FRMD4A: variants seen among roughly 807,000 people sequenced by gnomAD.
FRMD4A encodes FERM domain containing 4A.
Under a neutral mutation model 129.1 loss-of-function variants are expected in FRMD4A, and 29 were observed. The ratio of observed to expected loss-of-function variants is 0.22; its 90% CI spans 0.17 to 0.31. The LOEUF (loss-of-function observed/expected upper bound fraction) is 0.31. Ranked by LOEUF, FRMD4A falls within the 10% of genes least tolerant of loss-of-function variation. The probability of loss-of-function intolerance (pLI) is 1.00; values close to 1 mark genes in which losing one functional copy is unlikely to be tolerated. For synonymous variants in FRMD4A, 634 were observed against 571.6 expected (o/e 1.11, Z -1.56); for missense variants, 1,272 against 1,375.8 (o/e 0.92, Z 1.19).
intron 3 of FRMD4A, among the ~76,000 whole-genome samples, chr10:13,856,052 A>G (rs1299697000): frequency 1.3e-5 from 2 of 151,626 alleles, no homozygotes; most frequent in Admixed American, 1.3e-4. Flanking sequence ...CTATCTATCT[A>G]TCTATCTATG....
chr10:14,118,539 A>G (rs1405387766), intron 2 of FRMD4A, among the ~76,000 whole-genome samples: 1 of 152,174 alleles, frequency 6.6e-6, no homozygotes, highest in Non-Finnish European at 1.5e-5. Context: ...CTGTTCTCAC[A>G]CTGCTAATAA....
At chr10:14,227,943 G>A (rs569132267) in intron 2 of FRMD4A, among the ~76,000 whole-genome samples, 1 of 152,052 alleles carries the variant, frequency 6.6e-6, no homozygotes, top group African/African-American at 2.4e-5. Flanking sequence ...GTGCGATCTT[G>A]GCTCACTGCA....
chr10:13,785,565 G>A (rs1208271324), intron 5 of FRMD4A, among the ~76,000 whole-genome samples: 2 of 151,816 alleles, frequency 1.3e-5, no homozygotes, highest in African/African-American at 4.8e-5. Flanking sequence ...AAATAAATTT[G>A]ATATGATTTG....
intron 2 of FRMD4A, among the ~76,000 whole-genome samples, chr10:13,937,554 C>A (rs1173996346): frequency 6.6e-6 from 1 of 152,112 alleles, no homozygotes; most frequent in African/African-American, 2.4e-5. Flanking sequence ...AGTAACAAAT[C>A]AGCTCTTTCA....
chr10:13,830,783 T>A (rs1424215844), intron 3 of FRMD4A, among the ~76,000 whole-genome samples: 3 of 152,012 alleles, frequency 2.0e-5, no homozygotes, highest in African/African-American at 7.2e-5. Context: ...GTACTTGGTG[T>A]CATAAGTTTT....
chr10:14,031,058 G>A (rs1276395240), intron 2 of FRMD4A, among the ~76,000 whole-genome samples: 1 of 152,146 alleles, frequency 6.6e-6, no homozygotes, highest in East Asian at 1.9e-4. Context: ...TCTTTTCTCA[G>A]TCTTGCCATC....
intron 2 of FRMD4A, among the ~76,000 whole-genome samples, chr10:14,300,933 C>T (rs1007741305): frequency 5.9e-5 from 9 of 152,084 alleles, no homozygotes; most frequent in African/African-American, 1.2e-4. Context: ...AGAGTTTTGG[C>T]CAACAAATGG....
intron 3 of FRMD4A, among the ~76,000 whole-genome samples, chr10:13,841,631 G>A (rs1360443622): frequency 6.6e-6 from 1 of 152,196 alleles, no homozygotes; most frequent in Non-Finnish European, 1.5e-5. Context: ...CCAGGAGAGT[G>A]TTGCACTGTA....
At chr10:14,022,591 C>T (rs966307953) in intron 2 of FRMD4A, among the ~76,000 whole-genome samples, 20 of 152,018 alleles carry the variant, frequency 1.3e-4, no homozygotes, top group Non-Finnish European at 2.5e-4. Context: ...CAGGCAAATG[C>T]TATGTAAATA....
At position 14,000,667 on chromosome 10, in the gene FRMD4A, A is replaced by AAAAAAAAAAAAG. The variant is rs200369296; in HGVS notation, c.46-141756_46-141755insCTTTTTTTTTTT. ...ACCTCAAAAAAAAAAAAAAAAAAAAAAGAGAAGAAAGCTATGTCCCCTTTC... is the reference window on the plus strand; with the variant it reads ...ACCTCAAAAAAAAAAAAAAAAAAAAAAAAAAAAAAAAGAGAGAAGAAAGCTATGTCCCCTTTC... On this transcript the variant is annotated intron_variant, in intron 2 of 24. Coordinates refer to ENST00000357447, the MANE Select transcript of FRMD4A (RefSeq NM_018027.5). Among the ~76,000 whole-genome samples, 177 of 106,838 alleles carry AAAAAAAAAAAAG rather than the reference A, an allele frequency of 1.7e-3. 4 individuals carry two copies. Among genetic ancestry groups the AAAAAAAAAAAAG allele is most frequent in the Non-Finnish European group, 2.8e-3 (137 of 49,550 alleles). The allele number at this position is 106,838 out of a possible 152,430, so 70.1% of individuals were successfully genotyped here.
chr10:14,298,885 C>A (rs763037909), intron 2 of FRMD4A, among the ~76,000 whole-genome samples: 2 of 152,078 alleles, frequency 1.3e-5, no homozygotes, highest in Admixed American at 1.3e-4. Flanking sequence ...GCTCCCTTTC[C>A]GGATTGAAGC....
chr10:13,949,441 T>C (rs1399740491), intron 2 of FRMD4A, among the ~76,000 whole-genome samples: 1 of 152,224 alleles, frequency 6.6e-6, no homozygotes, highest in African/African-American at 2.4e-5. Flanking sequence ...AATTTATACA[T>C]GACTTCAAGT....
chr10:13,691,721 A>T (rs2085711341), intron 15 of FRMD4A, among the ~76,000 whole-genome samples: 1 of 152,218 alleles, frequency 6.6e-6, no homozygotes, highest in Non-Finnish European at 1.5e-5. Context: ...TCCAAGCTGA[A>T]GTCAGCCAGA....
chr10:13,690,533 G>A (rs1261011246), intron 15 of FRMD4A, among the ~76,000 whole-genome samples: 1 of 152,212 alleles, frequency 6.6e-6, no homozygotes, highest in African/African-American at 2.4e-5. Context: ...ACAGGAGGTG[G>A]GTGTGGGGCA....
In FRMD4A at chr10:14,037,608, C is replaced by G. The variant is rs993061915; in HGVS notation, c.46-178696G>C. Among the ~76,000 whole-genome samples, 9 of 152,082 alleles carry G rather than the reference C, an allele frequency of 5.9e-5. 1 individual carries two copies. Among genetic ancestry groups the G allele is most frequent in the African/African-American group, 1.7e-4 (7 of 41,394 alleles). ...TTTTTGTACATCTGTCAATGTATCT[C>G]TAAGGTAGACTTCTAGGAGTAGAAT... On this transcript the variant is annotated intron_variant, in intron 2 of 24. Transcript: ENST00000357447.
At chr10:13,856,141 C>T (rs2094210536) in intron 3 of FRMD4A, among the ~76,000 whole-genome samples, 1 of 151,576 alleles carries the variant, frequency 6.6e-6, no homozygotes, top group Admixed American at 6.6e-5. Context: ...GTGTATATCT[C>T]TCAGTGTGTA....
chr10:14,036,943 G>C (rs1354451670), intron 2 of FRMD4A, among the ~76,000 whole-genome samples: 2 of 152,144 alleles, frequency 1.3e-5, no homozygotes, highest in African/African-American at 4.8e-5. Flanking sequence ...AAACTCTTTT[G>C]TTACTATTTT....
chr10:13,803,974 T>A (rs1041128467), intron 4 of FRMD4A, among the ~76,000 whole-genome samples: 2 of 152,212 alleles, frequency 1.3e-5, no homozygotes, highest in African/African-American at 4.8e-5. Context: ...GAAAGCCGCA[T>A]CCCTAAGCTT....
At chr10:13,734,277 A>T (rs906206239) in intron 12 of FRMD4A, among the ~76,000 whole-genome samples, 1 of 151,994 alleles carries the variant, frequency 6.6e-6, no homozygotes. Context: ...CTGGTTTCTC[A>T]GTCTTGTCCT....
Sources: allele counts gnomAD v4.1 joint callset (sites outside exome capture counted in the v4.1 genomes callset), GRCh38; gene constraint gnomAD v4.1.1; transcripts MANE v1.5; gene names NCBI Gene and HGNC (gene_info 2026-07-23, HGNC 2026-07-21).